Variants in JADE1 observed in about 807,000 individuals in gnomAD.
JADE1 encodes protein Jade-1.
JADE1 carries 14 observed loss-of-function variants against 81.8 expected under a neutral mutation model. The observed-to-expected ratio is 0.17, with a 90% confidence interval of 0.11 to 0.27. JADE1 has a LOEUF of 0.27. JADE1 is among the 10% of genes least tolerant of loss of function. The pLI is 1.00. For missense variants in JADE1, 690 were observed against 1,047.9 expected (o/e 0.66, Z 4.71); for synonymous variants, 353 against 391.9 (o/e 0.90, Z 1.17).
intron 1 of JADE1, among the ~76,000 whole-genome samples, chr4:128,830,032 C>T (rs1315364372): frequency 6.6e-6 from 1 of 151,732 alleles, no homozygotes; most frequent in Non-Finnish European, 1.5e-5. Flanking sequence ...TGCGCGCCAC[C>T]ACGCACGGCT....
At chr4:128,824,170 G>A (rs1005348164) in intron 1 of JADE1, among the ~76,000 whole-genome samples, 6 of 152,152 alleles carry the variant, frequency 3.9e-5, no homozygotes, top group African/African-American at 1.2e-4. Context: ...TGTAATCCCA[G>A]CACTTTGGGA....
chr4:128,870,042 AG>A (rs1268676718), intron 10 of JADE1, among the ~76,000 whole-genome samples: 1 of 151,902 alleles, frequency 6.6e-6, no homozygotes, highest in Non-Finnish European at 1.5e-5. Flanking sequence ...GGGGGGTGGG[AG>A]GGTCATGAGT....
At chr4:128,810,352 T>G (rs902207973) in intron 1 of JADE1, 2 of 152,044 alleles carry the variant, frequency 1.3e-5, no homozygotes, top group African/African-American at 4.8e-5. Flanking sequence ...GAGCTATTTC[T>G]TCTTTTGGAT....
At chr4:128,809,982 A>ACGGCGGCGGCGGCGG (rs778572627) in intron 1 of JADE1, 105 bp downstream of exon 1, 2 of 158,806 alleles carry the variant, frequency 1.3e-5, no homozygotes, top group South Asian at 1.7e-4. Context: ...CGCGGCGGCG[A>ACGGCGGCGGCGGCGG]CGGCGGCGGC....
At chr4:128,848,540 G>A (rs1336573066) in intron 4 of JADE1, among the ~76,000 whole-genome samples, 2 of 152,128 alleles carry the variant, frequency 1.3e-5, no homozygotes, top group Non-Finnish European at 2.9e-5. Context: ...GAGGGTTGGC[G>A]GGTTTCTCCC....
intron 6 of JADE1, among the ~76,000 whole-genome samples, chr4:128,852,850 C>T (rs1730472781): frequency 6.6e-6 from 1 of 151,996 alleles, no homozygotes; most frequent in Non-Finnish European, 1.5e-5. Context: ...CTTGGGCATT[C>T]CTTGGCTCGC....
chr4:128,816,992 G>A (rs574965593), intron 1 of JADE1, among the ~76,000 whole-genome samples: 1 of 151,782 alleles, frequency 6.6e-6, no homozygotes, highest in African/African-American at 2.4e-5. Context: ...CGGAGTAGCT[G>A]GGATCACAGG....
intron 1 of JADE1, among the ~76,000 whole-genome samples, chr4:128,812,131 GT>G (rs1726479622): frequency 6.6e-6 from 1 of 151,988 alleles, no homozygotes; most frequent in African/African-American, 2.4e-5. Flanking sequence ...GCGGCGGGGG[GT>G]GGCCACTTTC....
intron 2 of JADE1, among the ~76,000 whole-genome samples, chr4:128,841,196 TG>T: frequency 6.6e-6 from 1 of 152,222 alleles, no homozygotes; most frequent in East Asian, 1.9e-4. Context: ...TTCTGGATTT[TG>T]TTAATTTCTG....
chr4:128,857,433 G>A lies in JADE1; in HGVS notation c.960G>A (p.Glu320=). Residue 320 remains glutamate (E), a synonymous_variant, in exon 8 of 11, where the codon GAG becomes GAA. Coordinates refer to ENST00000226319, the MANE Select transcript of JADE1 (RefSeq NM_199320.4). The part of the protein sequence containing the change: ...RWALVCSLCN[E]KFGASIQCSV... ...CGCTAGTGTGCAGCCTCTGCAATGAGAAGTTTGGGGCCTCTATACAGGTAA... is the reference window on the plus strand; with the variant it reads ...CGCTAGTGTGCAGCCTCTGCAATGAAAAGTTTGGGGCCTCTATACAGGTAA... 2 of 1,614,008 alleles carry A rather than the reference G, an allele frequency of 1.2e-6. No individual in the cohort carries two copies. Among genetic ancestry groups the A allele is most frequent in the Non-Finnish European group, 8.5e-7 (1 of 1,179,896 alleles).
At chr4:128,815,347 G>A (rs1476535116) in intron 1 of JADE1, among the ~76,000 whole-genome samples, 2 of 152,228 alleles carry the variant, frequency 1.3e-5, no homozygotes, top group East Asian at 1.9e-4. Flanking sequence ...TGATCCGCCC[G>A]CCTCAGCCTC....
At chr4:128,858,036 T>C (rs1466592325) in intron 8 of JADE1, among the ~76,000 whole-genome samples, 10 of 152,186 alleles carry the variant, frequency 6.6e-5, no homozygotes, top group Admixed American at 6.5e-4. Flanking sequence ...TGCTGTCATC[T>C]CATTGGGGCA....
chr4:128,822,713 C>A (rs1226182835), intron 1 of JADE1, among the ~76,000 whole-genome samples: 3 of 151,842 alleles, frequency 2.0e-5, no homozygotes, highest in Non-Finnish European at 4.4e-5. Flanking sequence ...GAGTGAAACT[C>A]CGTCTCAAGA....
chr4:128,812,247 G>A (rs1726499826), intron 1 of JADE1, among the ~76,000 whole-genome samples: 1 of 152,056 alleles, frequency 6.6e-6, no homozygotes, highest in Admixed American at 6.5e-5. Context: ...TCCGGCGGAG[G>A]TGCCGGGAGT....
intron 1 of JADE1, among the ~76,000 whole-genome samples, chr4:128,821,457 A>G (rs1256301510): frequency 6.6e-6 from 1 of 150,608 alleles, no homozygotes; most frequent in Non-Finnish European, 1.5e-5. Context: ...AAGTAGTACT[A>G]CTGTGATAAT....
At chr4:128,817,914 T>G (rs980773134) in intron 1 of JADE1, among the ~76,000 whole-genome samples, 3 of 152,220 alleles carry the variant, frequency 2.0e-5, no homozygotes, top group South Asian at 2.1e-4. Context: ...AAATGCCTGT[T>G]GAGAACAGTG....
intron 1 of JADE1, among the ~76,000 whole-genome samples, chr4:128,822,358 CTCTG>C (rs751479975): frequency 6.6e-6 from 1 of 151,676 alleles, no homozygotes; most frequent in Admixed American, 6.6e-5. Context: ...CAGAGCAAGA[CTCTG>C]TCTCTCAAAA....
At chr4:128,816,700 G>A (rs1260716639) in intron 1 of JADE1, among the ~76,000 whole-genome samples, 4 of 152,200 alleles carry the variant, frequency 2.6e-5, no homozygotes, top group Non-Finnish European at 4.4e-5. Context: ...TGTGCACACA[G>A]TAAATGTTCA....
At position 128,871,269 on chromosome 4, in the gene JADE1, T is replaced by C; in HGVS notation, c.1622-86T>C. Reference sequence around the variant, plus strand: ...TTGTTGGGTGGGGAGTTCACATCAATTGGGCCACACTAAGGGTGTAGAATT... The same window carrying C: ...TTGTTGGGTGGGGAGTTCACATCAACTGGGCCACACTAAGGGTGTAGAATT... On this transcript the variant is annotated intron_variant, in intron 10 of 10. Coordinates refer to ENST00000226319, the MANE Select transcript of JADE1 (RefSeq NM_199320.4). This position sits in a 1 kb window ranked among gnomAD's most constrained non-coding sequence, Gnocchi z 4.1. The C allele has an allele frequency of 1.1e-5, 14 of 1,291,602 alleles. No homozygotes were observed. Among genetic ancestry groups the C allele is most frequent in the Non-Finnish European group, 1.4e-5 (13 of 931,266 alleles). The allele number at this position is 1,291,602 out of a possible 1,614,324, so 80.0% of individuals were successfully genotyped here. A position where few individuals can be genotyped will look rare whatever the true frequency, so the allele number is the denominator to read the frequency against.
Sources: allele counts gnomAD v4.1 joint callset (sites outside exome capture counted in the v4.1 genomes callset), GRCh38; gene constraint gnomAD v4.1.1; non-coding constraint Gnocchi (gnomAD v3.1); transcripts MANE v1.5; gene names NCBI Gene and HGNC (gene_info 2026-07-23, HGNC 2026-07-21).